SEC31B: variants seen among roughly 807,000 people sequenced by gnomAD.
SEC31B encodes the protein protein transport protein Sec31B.
Under a neutral mutation model 135.0 loss-of-function variants are expected in SEC31B, and 113 were observed. The observed-to-expected ratio is 0.84, with a 90% CI of 0.72 to 0.98. The LOEUF is 0.98. SEC31B is among the 50% of genes least tolerant of loss of function. SEC31B has a pLI of 0.00. For synonymous variants in SEC31B, 508 were observed against 549.4 expected (o/e 0.92, Z 1.05); for missense variants, 1,296 against 1,421.1 (o/e 0.91, Z 1.42).
intron 11 of SEC31B, chr10:100,500,076 G>A (rs1298690520): frequency 4.4e-6 from 2 of 456,750 alleles, no homozygotes; most frequent in South Asian, 3.1e-5. Flanking sequence ...GCTCTTGTGG[G>A]CAAGAAGCTT....
At position 100,507,962 on chromosome 10, in the gene SEC31B, C is replaced by T. The variant is rs749486526; in HGVS notation, c.585G>A (p.Val195=). 15 of 1,614,082 alleles carry T rather than the reference C, an allele frequency of 9.3e-6. No homozygotes were observed. In the Admixed American group the frequency reaches 1.5e-4, roughly 16 times the overall value. The change falls in exon 6 of 26, where the codon GTG becomes GTA. Residue 195 remains valine (V), a synonymous_variant. Coordinates refer to ENST00000370345, the MANE Select transcript of SEC31B (RefSeq NM_015490.4). ...TAGGTTCATTCTTCCTGAGATCCCA[C>T]ACAACTGCCTTGCCACTGGGGTGAG... ...SSAHPSGKAV[V]WDLRKNEPII... is the part of the protein sequence containing the mutation.
intron 2 of SEC31B, among the ~76,000 whole-genome samples, chr10:100,516,665 A>C (rs1032851975): frequency 2.6e-5 from 4 of 150,954 alleles, no homozygotes; most frequent in Non-Finnish European, 5.9e-5. Flanking sequence ...AAAAAAAAAA[A>C]AAAAAAAAGA....
rs1433014219 is a variant in SEC31B at position 100,495,366 on chromosome 10, T to G, written c.2472+19A>C. Reference sequence around the variant, plus strand: ...ACGTATTATTGAATGAACAAATGAATGAACAAACGAGGTCTTACCTGGTGA... The same window carrying G: ...ACGTATTATTGAATGAACAAATGAAGGAACAAACGAGGTCTTACCTGGTGA... On this transcript the variant is annotated intron_variant, in intron 19 of 25. Coordinates refer to ENST00000370345, the MANE Select transcript of SEC31B (RefSeq NM_015490.4). 9 of 1,607,912 alleles carry G rather than the reference T, an allele frequency of 5.6e-6. No homozygotes were observed. Among genetic ancestry groups the G allele is most frequent in the Non-Finnish European group, 7.7e-6 (9 of 1,176,372 alleles).
intron 19 of SEC31B, among the ~76,000 whole-genome samples, chr10:100,492,037 A>G (rs1851310107): frequency 6.6e-6 from 1 of 152,162 alleles, no homozygotes; most frequent in East Asian, 1.9e-4. Context: ...TTCTTTATAA[A>G]TTTCCCAGTC....
At position 100,507,954 on chromosome 10, in the gene SEC31B, A is replaced by G. The variant is rs775590845; in HGVS notation, c.593T>C (p.Leu198Pro). The change falls in exon 6 of 26, where the codon CTC becomes CCC. Residue 198 changes from leucine (L) to proline (P), a missense_variant. Transcript: ENST00000370345. ...TTTGATGATAGGTTCATTCTTCCTG[A>G]GATCCCACACAACTGCCTTGCCACT... ...HPSGKAVVWD[L>P]RKNEPIIKVS... is the part of the protein sequence containing the mutation. 4 of 1,614,208 alleles carry G rather than the reference A, an allele frequency of 2.5e-6. No individual in the cohort carries two copies. The South Asian group carries it at 4.4e-5, about 18-fold the overall frequency.
chr10:100,488,784 C>G (rs1851240556), intron 24 of SEC31B, 74 bp downstream of exon 24: 4 of 1,492,438 alleles, frequency 2.7e-6, no homozygotes, highest in South Asian at 2.8e-5. Flanking sequence ...ACACAAGGAA[C>G]TGGTCCACAG....
chr10:100,502,109 G>T, intron 11 of SEC31B, 145 bp downstream of exon 11: 1 of 668,376 alleles, frequency 1.5e-6, no homozygotes, highest in Non-Finnish European at 2.6e-6. Flanking sequence ...TAGATGGTGG[G>T]TATAGTGTGG....
At chr10:100,511,103 G>T (rs534782548) in intron 3 of SEC31B, among the ~76,000 whole-genome samples, 1 of 152,242 alleles carries the variant, frequency 6.6e-6, no homozygotes, top group Non-Finnish European at 1.5e-5. Context: ...CCTCAAGGGG[G>T]AGTCACCAAA....
chr10:100,499,711 T>C (rs2133682930), intron 11 of SEC31B, 113 bp from the exon 12 acceptor site: 1 of 735,132 alleles, frequency 1.4e-6, no homozygotes, highest in East Asian at 2.6e-5. Context: ...TTTGTACTAC[T>C]AGAAGTGCCC....
intron 5 of SEC31B, chr10:100,508,599 C>T: frequency 2.3e-6 from 1 of 434,806 alleles, no homozygotes; most frequent in South Asian, 1.7e-5. Context: ...ACAGGGAGAA[C>T]AAAGCTGACC....
chr10:100,506,849 C>T (rs1284376077), intron 7 of SEC31B, among the ~76,000 whole-genome samples: 2 of 152,148 alleles, frequency 1.3e-5, no homozygotes, highest in East Asian at 3.9e-4. Context: ...CTTGTAATCC[C>T]AACACTGTGC....
At chr10:100,514,475 C>A (rs1218045636) in intron 3 of SEC31B, among the ~76,000 whole-genome samples, 1 of 151,304 alleles carries the variant, frequency 6.6e-6, no homozygotes, top group African/African-American at 2.4e-5. Flanking sequence ...TGGTTAGGGG[C>A]TAAGAGTATC....
chr10:100,508,416 C>T (rs543307488), intron 5 of SEC31B: 84 of 488,946 alleles, frequency 1.7e-4, no homozygotes, highest in Middle Eastern at 3.1e-4. Context: ...AGAGTGAGGC[C>T]GAGAGAAAAA....
At chr10:100,494,310 A>C (rs547022359) in intron 19 of SEC31B, among the ~76,000 whole-genome samples, 2 of 152,140 alleles carry the variant, frequency 1.3e-5, no homozygotes, top group East Asian at 3.9e-4. Context: ...ATCCAACCTC[A>C]CTGGCTAGCT....
At chr10:100,498,308 A>T in intron 14 of SEC31B, 101 bp from the exon 15 acceptor site, 2 of 1,130,682 alleles carry the variant, frequency 1.8e-6, no homozygotes, top group Non-Finnish European at 2.5e-6. Flanking sequence ...TATATCACTC[A>T]GTGTGCTTGG....
At chr10:100,508,607 A>ACC (rs796238046) in intron 5 of SEC31B, 196 of 416,052 alleles carry the variant, frequency 4.7e-4, no homozygotes, top group South Asian at 3.5e-3. Context: ...AACAAAGCTG[A>ACC]CCCCCCCCTC....
rs757161636 is a variant in SEC31B at position 100,508,030 on chromosome 10, C to G, written c.517G>C (p.Ala173Pro). The G allele has an allele frequency of 1.2e-6, 2 of 1,614,168 alleles. No homozygotes were observed. Among genetic ancestry groups the G allele is most frequent in the Non-Finnish European group, 1.7e-6 (2 of 1,180,032 alleles). Residue 173 changes from alanine (A) to proline (P), a missense_variant, in exon 6 of 26, where the codon GCA becomes CCA. By Grantham distance (27) the Ala-to-Pro change is conservative (BLOSUM62 -1). Coordinates refer to ENST00000370345, the MANE Select transcript of SEC31B (RefSeq NM_015490.4). Reference protein sequence around the residue: ...KSQQPPEDIKALSWNRQAQHI... With the variant: ...KSQQPPEDIKPLSWNRQAQHI... ...TGGGCTTGCCGGTTCCAAGACAGTG[C>G]CTTGATGTCCTCTGGAGGCTGCTAA...
Position 100,507,977 on chromosome 10 carries a change from A to T in SEC31B, c.570T>A (p.Ser190Arg), listed in dbSNP as rs1473470370. The part of the protein sequence containing the change: ...AQHILSSAHP[S>R]GKAVVWDLRK... Reference sequence around the variant, plus strand: ...TGAGATCCCACACAACTGCCTTGCCACTGGGGTGAGCAGAAGACAGAATGT... The same window carrying T: ...TGAGATCCCACACAACTGCCTTGCCTCTGGGGTGAGCAGAAGACAGAATGT... The change falls in exon 6 of 26, where the codon AGT (serine) becomes AGA (arginine). Residue 190 changes from serine to arginine, a missense_variant. By Grantham distance (110) the Ser-to-Arg change is moderately radical (BLOSUM62 -1). Transcript: ENST00000370345. 1.2e-6 allele frequency: 2 copies of T among 1,614,204 alleles called. No homozygotes were observed. The highest frequency in any genetic ancestry group is 1.7e-6 in the Non-Finnish European group (2 of 1,180,024).
At chr10:100,499,890 T>G (rs998415116) in intron 11 of SEC31B, among the ~76,000 whole-genome samples, 8 of 152,244 alleles carry the variant, frequency 5.3e-5, no homozygotes, top group Non-Finnish European at 8.8e-5. Flanking sequence ...CAGCTGTTCC[T>G]AGGCAATATG....
Sources: gnomAD v4.1 joint callset for allele counts (sites outside exome capture counted in the v4.1 genomes callset) on GRCh38, gnomAD v4.1.1 for gene constraint, MANE v1.5 for transcripts, NCBI Gene and HGNC (gene_info 2026-07-23, HGNC 2026-07-21) for gene names.